The following WWOX variants were observed in gnomAD, a reference collection of about 807,000 sequenced individuals.
WWOX encodes the protein WW domain-containing oxidoreductase.
In WWOX, 69 loss-of-function variants were observed where a neutral mutation model predicts 46.2. The ratio of observed to expected loss-of-function variants is 1.49; its 90% CI spans 1.23 to 1.82. WWOX has a LOEUF of 1.82. WWOX is among the 40% of genes most tolerant of loss of function. The probability of loss-of-function intolerance (pLI) is 0.00; values close to 1 mark genes in which losing one functional copy is unlikely to be tolerated. For missense variants in WWOX, 919 were observed against 542.6 expected (o/e 1.69, Z -6.89); for synonymous variants, 359 against 202.6 (o/e 1.77, Z -6.56).
At chr16:78,246,127 A>G (rs953202508) in intron 5 of WWOX, among the ~76,000 whole-genome samples, 3 of 152,126 alleles carry the variant, frequency 2.0e-5, no homozygotes, top group Non-Finnish European at 4.4e-5. Context: ...CATTTGGAGC[A>G]TCTGTGCATT....
At chr16:78,809,852 C>T (rs2051141686) in intron 8 of WWOX, among the ~76,000 whole-genome samples, 1 of 152,128 alleles carries the variant, frequency 6.6e-6, no homozygotes, top group Non-Finnish European at 1.5e-5. Flanking sequence ...TGATGACCCT[C>T]TATGGCAGAT....
At position 78,668,320 on chromosome 16, in the gene WWOX, C is replaced by T. The variant is rs146517165; in HGVS notation, c.1056+235568C>T. On this transcript the variant is annotated intron_variant, in intron 8 of 8. Transcript: ENST00000566780. Reference sequence around the variant, plus strand: ...AAAACATACAACTTAACTCTCATACCCCCACGCCTGTCTTTTCTCCTGTTC... The same window carrying T: ...AAAACATACAACTTAACTCTCATACTCCCACGCCTGTCTTTTCTCCTGTTC... Among the ~76,000 whole-genome samples the T allele has an allele frequency of 2.8e-4, 42 of 152,176 alleles. No individual in the cohort carries two copies. In the East Asian group the frequency reaches 7.8e-3, roughly 28 times the overall value.
intron 8 of WWOX, chr16:78,503,608 C>G (rs550459210): frequency 5.6e-4 from 86 of 152,278 alleles, no homozygotes; most frequent in Admixed American, 2.0e-3. Flanking sequence ...AACATTTCCA[C>G]ACCATTAGAA....
intron 8 of WWOX, among the ~76,000 whole-genome samples, chr16:78,488,661 G>C (rs181267765): frequency 6.6e-6 from 1 of 152,302 alleles, no homozygotes; most frequent in African/African-American, 2.4e-5. Context: ...ATCTGAGACA[G>C]TGGCTGTAGG....
intron 8 of WWOX, among the ~76,000 whole-genome samples, chr16:79,109,307 T>A (rs2049371349): frequency 6.6e-6 from 1 of 152,274 alleles, no homozygotes; most frequent in African/African-American, 2.4e-5. Flanking sequence ...AGACCCCCAG[T>A]TTCTATCGAG....
intron 8 of WWOX, among the ~76,000 whole-genome samples, chr16:78,593,524 G>C (rs1036983428): frequency 6.6e-6 from 1 of 152,216 alleles, no homozygotes; most frequent in Non-Finnish European, 1.5e-5. Flanking sequence ...ACCAGTCACA[G>C]TTCCTGATTC....
At chr16:78,589,041 C>T (rs2045290335) in intron 8 of WWOX, among the ~76,000 whole-genome samples, 1 of 152,218 alleles carries the variant, frequency 6.6e-6, no homozygotes, top group South Asian at 2.1e-4. Context: ...CACCAACCTC[C>T]TTATTAAGAC....
chr16:78,653,960 T>C (rs2047023631), intron 8 of WWOX, among the ~76,000 whole-genome samples: 2 of 152,188 alleles, frequency 1.3e-5, no homozygotes, highest in Non-Finnish European at 2.9e-5. Flanking sequence ...CAGATATTCT[T>C]ACAAAAGGCA....
chr16:79,002,198 C>A (rs1172582016), intron 8 of WWOX, among the ~76,000 whole-genome samples: 1 of 138,356 alleles, frequency 7.2e-6, no homozygotes, highest in African/African-American at 2.7e-5. Flanking sequence ...ATTTAGATTT[C>A]CTTGGGTGTC....
chr16:79,190,017 C>CTT lies in WWOX; in HGVS notation c.1057-21591_1057-21590insTT, dbSNP rs1567607388. On this transcript the variant is annotated intron_variant, in intron 8 of 8. Transcript: ENST00000566780. ...TCTTCCCATGGAAATGTTTTCATAA[C>CTT]GCCTTGTTTTTTAATTATTATTATT... Among the ~76,000 whole-genome samples, 1,181 of 151,932 alleles carry CTT rather than the reference C, an allele frequency of 7.8e-3. 21 individuals carry two copies. The highest frequency in any genetic ancestry group is 0.027 in the African/African-American group (1,120 of 41,450).
chr16:78,704,553 C>T (rs922694929), intron 8 of WWOX, among the ~76,000 whole-genome samples: 4 of 152,222 alleles, frequency 2.6e-5, no homozygotes, highest in East Asian at 3.9e-4. Context: ...ATACAGTTTA[C>T]GAAACTCTAA....
At chr16:78,850,663 C>G (rs908866987) in intron 8 of WWOX, among the ~76,000 whole-genome samples, 2 of 152,128 alleles carry the variant, frequency 1.3e-5, no homozygotes, top group African/African-American at 2.4e-5. Context: ...TATGTAATGA[C>G]GAGCCTCATC....
chr16:78,527,481 G>T (rs1249988981), intron 8 of WWOX, among the ~76,000 whole-genome samples: 2 of 151,764 alleles, frequency 1.3e-5, no homozygotes, highest in Non-Finnish European at 2.9e-5. Flanking sequence ...TTTTGTAGAG[G>T]TGGAGTTTCG....
At chr16:78,984,274 C>G (rs564152718) in intron 8 of WWOX, among the ~76,000 whole-genome samples, 1 of 152,216 alleles carries the variant, frequency 6.6e-6, no homozygotes, top group South Asian at 2.1e-4. Context: ...TATGGCAGAG[C>G]TTGGAATTCT....
intron 8 of WWOX, among the ~76,000 whole-genome samples, chr16:78,960,318 G>A (rs958311494): frequency 3.3e-5 from 5 of 152,196 alleles, no homozygotes; most frequent in African/African-American, 7.2e-5. Flanking sequence ...CTAGCGTAAC[G>A]TTTGGCTTGT....
At chr16:79,072,687 C>G (rs1455297676) in intron 8 of WWOX, among the ~76,000 whole-genome samples, 2 of 152,190 alleles carry the variant, frequency 1.3e-5, no homozygotes, top group Non-Finnish European at 2.9e-5. Context: ...TCACCATCAC[C>G]ATCACCATCG....
chr16:79,052,909 A>G (rs1283178337), intron 8 of WWOX, among the ~76,000 whole-genome samples: 4 of 129,962 alleles, frequency 3.1e-5, no homozygotes, highest in South Asian at 2.5e-4. Context: ...TCGATCTGAA[A>G]TTGACACAGT....
intron 5 of WWOX, among the ~76,000 whole-genome samples, chr16:78,180,311 G>A (rs916544186): frequency 6.6e-6 from 1 of 152,184 alleles, no homozygotes. Context: ...CCTTTAGGTA[G>A]AATGAACAGC....
intron 8 of WWOX, chr16:78,526,498 G>C (rs1432435422): frequency 6.6e-6 from 1 of 152,206 alleles, no homozygotes; most frequent in Non-Finnish European, 1.5e-5. Flanking sequence ...AAAATATGGG[G>C]TTCTAGCCAG....
Sources: allele counts gnomAD v4.1 joint callset (sites outside exome capture counted in the v4.1 genomes callset), GRCh38; gene constraint gnomAD v4.1.1; transcripts MANE v1.5; gene names NCBI Gene and HGNC (gene_info 2026-07-23, HGNC 2026-07-21).